Variants in PDE1A observed in about 807,000 individuals in gnomAD.
PDE1A encodes the protein dual specificity calcium/calmodulin-dependent 3',5'-cyclic nucleotide phosphodiesterase 1A.
In PDE1A, 35 loss-of-function variants were observed where a neutral mutation model predicts 61.7. That is an observed-to-expected ratio of 0.57 (90% CI 0.43 to 0.75). The LOEUF is 0.75. Among genes scored for constraint, PDE1A ranks in the 30% least tolerant of loss-of-function variants. PDE1A has a pLI of 0.00. For missense variants in PDE1A, 597 were observed against 630.6 expected, an observed-to-expected ratio of 0.95 and a Z score of 0.57; for synonymous variants, 232 against 213.2, an observed-to-expected ratio of 1.09 and a Z score of -0.77.
chr2:182,355,602 C>A (rs1055728879), intron 1 of PDE1A, among the ~76,000 whole-genome samples: 3 of 151,878 alleles, frequency 2.0e-5, no homozygotes, highest in African/African-American at 7.3e-5. Context: ...TCTCATCATA[C>A]ATCTGAATTT....
intron 7 of PDE1A, among the ~76,000 whole-genome samples, chr2:182,212,441 G>C (rs562769518): frequency 6.6e-6 from 1 of 152,102 alleles, no homozygotes; most frequent in Non-Finnish European, 1.5e-5. Flanking sequence ...GAACAGCTCC[G>C]GTCTACAGCT....
downstream of PDE1A, among the ~76,000 whole-genome samples, chr2:182,145,335 G>A (rs2125258486): frequency 6.6e-6 from 1 of 152,136 alleles, no homozygotes; most frequent in African/African-American, 2.4e-5. Flanking sequence ...AACTGAGAAG[G>A]AAGCTAAATA....
At chr2:182,141,176 A>G (rs1172488170) in exon 15 of PDE1A, 1 of 152,088 alleles carries the variant, frequency 6.6e-6, no homozygotes, top group Non-Finnish European at 1.5e-5. Context: ...CTTCTTTGAG[A>G]GATTCTATAG....
chr2:182,421,501 G>A (rs1451151915), intron 1 of PDE1A, among the ~76,000 whole-genome samples: 1 of 152,154 alleles, frequency 6.6e-6, no homozygotes, highest in African/African-American at 2.4e-5. Context: ...CCCTCTTGGT[G>A]TTAATATCAA....
At chr2:182,533,587 G>A in the PDE1A span, among the ~76,000 whole-genome samples, 8 of 152,112 alleles carry the variant, frequency 5.3e-5, no homozygotes, top group African/African-American at 1.9e-4. Flanking sequence ...AAGATATAGA[G>A]ACTTGAAGTT....
intron 1 of PDE1A, among the ~76,000 whole-genome samples, chr2:182,399,900 T>C (rs1701906087): frequency 6.6e-6 from 1 of 152,114 alleles, no homozygotes; most frequent in Admixed American, 6.5e-5. Flanking sequence ...TGGTCCTAGA[T>C]ACTGATGTTT....
chr2:182,647,297 T>G, the PDE1A span, among the ~76,000 whole-genome samples: 29 of 152,320 alleles, frequency 1.9e-4, no homozygotes, highest in African/African-American at 5.8e-4. Context: ...CTTGACAAGA[T>G]AGATTACTGA....
chr2:182,451,378 CAAAAAAA>C lies in PDE1A; in HGVS notation c.101+70891_101+70897del, dbSNP rs1219608685. On this transcript the variant is annotated intron_variant, in intron 2 of 14. Transcript: ENST00000410103. ...TGGGCGACAGAGCGAGACTCCGTCT[CAAAAAAA>C]AAAAAAAAAAAAAATATTTTAACTA... Among the ~76,000 whole-genome samples, 9 of 12,298 alleles carry C rather than the reference CAAAAAAA, an allele frequency of 7.3e-4. 4 individuals are homozygous for C. Among genetic ancestry groups the C allele is most frequent in the African/African-American group, 2.0e-3 (6 of 3,060 alleles). The allele number at this position is 12,298 out of a possible 152,430, so 8.1% of individuals were successfully genotyped here.
chr2:182,716,102 C>T, the PDE1A span: 2 of 152,620 alleles, frequency 1.3e-5, no homozygotes, highest in Non-Finnish European at 2.9e-5. Flanking sequence ...GGGTTGGAGC[C>T]GGAGCCGGAG....
At chr2:182,193,444 C>T (rs891963160) in intron 10 of PDE1A, among the ~76,000 whole-genome samples, 2 of 152,012 alleles carry the variant, frequency 1.3e-5, no homozygotes, top group African/African-American at 4.8e-5. Context: ...GCTTAGGAGA[C>T]ACTCCTCCTA....
chr2:182,624,120 G>A, the PDE1A span, among the ~76,000 whole-genome samples: 11,416 of 106,954 alleles, frequency 0.11, 504 homozygotes, highest in African/African-American at 0.15. Context: ...GCGAGACTCC[G>A]TCTCAAAAAA....
intron 1 of PDE1A, among the ~76,000 whole-genome samples, chr2:182,305,457 T>G (rs982477493): frequency 3.3e-5 from 5 of 152,176 alleles, no homozygotes; most frequent in African/African-American, 1.2e-4. Flanking sequence ...CTGACCAGAT[T>G]TAGCTCATGA....
the PDE1A span, among the ~76,000 whole-genome samples, chr2:182,565,951 G>A: frequency 6.6e-6 from 1 of 152,070 alleles, no homozygotes; most frequent in East Asian, 1.9e-4. Flanking sequence ...CTAAGAAAAA[G>A]AAGAAAGAGA....
chr2:182,449,131 G>C (rs1348148683), intron 2 of PDE1A, among the ~76,000 whole-genome samples: 2 of 149,920 alleles, frequency 1.3e-5, no homozygotes, highest in Non-Finnish European at 3.0e-5. Flanking sequence ...GGATAGTCTT[G>C]TCAAACCTTG....
chr2:182,519,113 A>G (rs142724023), intron 2 of PDE1A, among the ~76,000 whole-genome samples: 122 of 152,216 alleles, frequency 8.0e-4, no homozygotes, highest in African/African-American at 2.8e-3. Context: ...GAAATTGACA[A>G]TCTTTGAAAG....
the PDE1A span, among the ~76,000 whole-genome samples, chr2:182,529,254 A>T: frequency 6.6e-6 from 1 of 152,186 alleles, no homozygotes; most frequent in Non-Finnish European, 1.5e-5. Flanking sequence ...TTTTGCATCA[A>T]TATGACCTGT....
chr2:182,324,043 G>C (rs1696887342), intron 1 of PDE1A, among the ~76,000 whole-genome samples: 1 of 152,130 alleles, frequency 6.6e-6, no homozygotes, highest in Non-Finnish European at 1.5e-5. Flanking sequence ...GTGAAAGACA[G>C]ACCCATAAAT....
At chr2:182,706,934 CATAGCAGTAA>C in the PDE1A span, among the ~76,000 whole-genome samples, 6 of 152,202 alleles carry the variant, frequency 3.9e-5, no homozygotes, top group Non-Finnish European at 7.3e-5. Flanking sequence ...ATGGCTGATG[CATAGCAGTAA>C]TGGTCAGGCA....
At chr2:182,203,894 T>G (rs1240166183) in intron 8 of PDE1A, among the ~76,000 whole-genome samples, 1 of 151,962 alleles carries the variant, frequency 6.6e-6, no homozygotes, top group East Asian at 1.9e-4. Flanking sequence ...TTTTGGAAAG[T>G]GTTGAATCTA....
Sources: gnomAD v4.1 joint callset for allele counts (sites outside exome capture counted in the v4.1 genomes callset) on GRCh38, gnomAD v4.1.1 for gene constraint, MANE v1.5 for transcripts, NCBI Gene and HGNC (gene_info 2026-07-23, HGNC 2026-07-21) for gene names.